Variants in CDC73 observed in about 807,000 individuals in gnomAD.
CDC73 encodes cell division cycle 73.
CDC73 carries 21 observed loss-of-function variants against 83.7 expected under a neutral mutation model. The observed-to-expected ratio is 0.25, with a 90% CI of 0.18 to 0.36. CDC73 has a LOEUF of 0.36. Ranked by LOEUF, CDC73 falls within the 10% of genes least tolerant of loss-of-function variation. CDC73 has a pLI of 1.00. For synonymous variants in CDC73, 224 were observed against 212.9 expected, an observed-to-expected ratio of 1.05 and a Z score of -0.45; for missense variants, 342 against 653.3, an observed-to-expected ratio of 0.52 and a Z score of 5.19.
chr1:193,144,956 A>G (rs1284969450), intron 7 of CDC73, among the ~76,000 whole-genome samples: 1 of 152,164 alleles, frequency 6.6e-6, no homozygotes, highest in African/African-American at 2.4e-5. Context: ...TGCTGTCACC[A>G]TAACACTTTT....
chr1:193,153,166 G>A (rs1489755355), intron 10 of CDC73, among the ~76,000 whole-genome samples: 2 of 152,064 alleles, frequency 1.3e-5, no homozygotes, highest in African/African-American at 4.8e-5. Context: ...AAATACTTGG[G>A]TATCTGTGAA....
At chr1:193,207,671 C>A (rs370309272) in intron 11 of CDC73, among the ~76,000 whole-genome samples, 69 of 152,244 alleles carry the variant, frequency 4.5e-4, no homozygotes, top group African/African-American at 1.6e-3. Flanking sequence ...GCAGGCAGAC[C>A]TTATGGTTAT....
At chr1:193,139,435 T>A (rs1675863144) in intron 6 of CDC73, among the ~76,000 whole-genome samples, 1 of 152,138 alleles carries the variant, frequency 6.6e-6, no homozygotes, top group Admixed American at 6.6e-5. Context: ...CCCAGCTAAT[T>A]TTTGCATGTT....
chr1:193,212,626 C>T (rs1677299073), intron 13 of CDC73, 149 bp downstream of exon 13: 3 of 455,474 alleles, frequency 6.6e-6, no homozygotes, highest in Admixed American at 7.1e-5. Context: ...CATACATTTT[C>T]AAAACAGAAT....
At chr1:193,132,409 T>G (rs905243211) in intron 3 of CDC73, among the ~76,000 whole-genome samples, 3 of 152,206 alleles carry the variant, frequency 2.0e-5, no homozygotes, top group African/African-American at 7.2e-5. Context: ...CACAAAAGTT[T>G]AGAACCCAGC....
intron 10 of CDC73, among the ~76,000 whole-genome samples, chr1:193,200,006 G>A (rs1417178981): frequency 6.6e-6 from 1 of 150,466 alleles, no homozygotes; most frequent in Non-Finnish European, 1.5e-5. Context: ...CACTTTGGGA[G>A]ACTTGAGCTC....
At chr1:193,159,654 G>T (rs1414176765) in intron 10 of CDC73, among the ~76,000 whole-genome samples, 1 of 152,180 alleles carries the variant, frequency 6.6e-6, no homozygotes, top group Non-Finnish European at 1.5e-5. Flanking sequence ...GAGCCACCGT[G>T]CCCGGCCTCC....
chr1:193,133,493 G>A (rs1324542324), intron 3 of CDC73, among the ~76,000 whole-genome samples: 5 of 152,114 alleles, frequency 3.3e-5, no homozygotes, highest in Non-Finnish European at 5.9e-5. Flanking sequence ...AGTCATTCTG[G>A]AGAACTTAAA....
At chr1:193,240,497 T>C (rs1558322774) in intron 15 of CDC73, among the ~76,000 whole-genome samples, 1 of 152,204 alleles carries the variant, frequency 6.6e-6, no homozygotes, top group Non-Finnish European at 1.5e-5. Context: ...AGTTCCCTTT[T>C]CTCTGCATCC....
intron 8 of CDC73, among the ~76,000 whole-genome samples, chr1:193,149,894 C>T (rs1676075924): frequency 6.6e-6 from 1 of 152,092 alleles, no homozygotes; most frequent in Non-Finnish European, 1.5e-5. Flanking sequence ...GATTAATCAT[C>T]ATGGCTTTCA....
intron 13 of CDC73, among the ~76,000 whole-genome samples, chr1:193,230,474 T>G (rs915600500): frequency 6.9e-6 from 1 of 145,844 alleles, no homozygotes; most frequent in Non-Finnish European, 1.5e-5. Flanking sequence ...TTTTTTTTTT[T>G]TTTTTTTTTT....
chr1:193,234,816 A>G (rs2102060458), intron 14 of CDC73, among the ~76,000 whole-genome samples: 1 of 152,330 alleles, frequency 6.6e-6, no homozygotes, highest in East Asian at 1.9e-4. Context: ...CTGCATTGCC[A>G]AAGATGATTT....
chr1:193,123,702 A>G (rs1174299728), intron 1 of CDC73, among the ~76,000 whole-genome samples: 2 of 151,632 alleles, frequency 1.3e-5, no homozygotes, highest in Middle Eastern at 3.2e-3. Context: ...GCTAAGGAGT[A>G]CCTAGGGTGT....
intron 13 of CDC73, among the ~76,000 whole-genome samples, chr1:193,212,811 G>A (rs573191485): frequency 2.6e-5 from 4 of 152,118 alleles, no homozygotes; most frequent in Non-Finnish European, 5.9e-5. Flanking sequence ...CTGAATATTA[G>A]ATGTTATACC....
chr1:193,180,493 G>C (rs556506356), intron 10 of CDC73: 5 of 1,613,884 alleles, frequency 3.1e-6, no homozygotes, highest in Non-Finnish European at 3.4e-6. Context: ...ATTGGGAGGG[G>C]GTACAGGATC....
At chr1:193,243,557 C>T (rs190909952) in intron 15 of CDC73, among the ~76,000 whole-genome samples, 32 of 152,134 alleles carry the variant, frequency 2.1e-4, no homozygotes, top group African/African-American at 7.2e-4. Context: ...AAAAATGTAA[C>T]TTAGATGCAT....
chr1:193,155,917 T>C (rs1049059383), intron 10 of CDC73, among the ~76,000 whole-genome samples: 1 of 152,248 alleles, frequency 6.6e-6, no homozygotes, highest in East Asian at 1.9e-4. Context: ...GCCCCTACCC[T>C]AACACCTAGG....
chr1:193,224,784 T>TA (rs1269320022), intron 13 of CDC73, among the ~76,000 whole-genome samples: 2 of 152,196 alleles, frequency 1.3e-5, no homozygotes, highest in East Asian at 3.8e-4. Context: ...TCAGACCAAT[T>TA]TTTTAGCTCA....
At chr1:193,162,635 C>G (rs568788167) in intron 10 of CDC73, among the ~76,000 whole-genome samples, 1 of 152,134 alleles carries the variant, frequency 6.6e-6, no homozygotes, top group South Asian at 2.1e-4. Context: ...TTCCAAAGTG[C>G]TGGGATTACA....
Sources: allele counts gnomAD v4.1 joint callset (sites outside exome capture counted in the v4.1 genomes callset), GRCh38; gene constraint gnomAD v4.1.1; transcripts MANE v1.5; gene names NCBI Gene and HGNC (gene_info 2026-07-23, HGNC 2026-07-21).